Variants in SHROOM2 observed in about 807,000 individuals in gnomAD.
SHROOM2 encodes shroom family member 2.
SHROOM2 carries 33 observed loss-of-function variants against 75.9 expected under a neutral mutation model. That is an observed-to-expected ratio of 0.43 (90% CI 0.33 to 0.58). The LOEUF (loss-of-function observed/expected upper bound fraction) is 0.58. SHROOM2 is among the 20% of genes least tolerant of loss of function. SHROOM2 has a pLI of 0.04. For synonymous variants in SHROOM2, 655 were observed against 663.6 expected (o/e 0.99, Z 0.20); for missense variants, 1,434 against 1,461.2 (o/e 0.98, Z 0.30).
intron 1 of SHROOM2, among the ~76,000 whole-genome samples, chrX:9,801,027 G>A (rs56764855): frequency 5.7e-4 from 64 of 111,322 alleles, no homozygotes; most frequent in African/African-American, 2.1e-3. Flanking sequence ...CCCGAGACTG[G>A]GTAATTTATA....
rs2084845814 is a variant in SHROOM2 at position 9,948,803 on chromosome X, TAGTCACTTGCGTGAATGCTGGTC to T, written c.*1871_*1893del. ...AAGCTTCCTCCTCCTCTCCAGCTGG[TAGTCACTTGCGTGAATGCTGGTC>T]AGTCTGAAAAGGTGAAGCTGGCTGT... On this transcript the variant is annotated 3_prime_UTR_variant, in exon 10 of 10. Coordinates refer to ENST00000380913, the MANE Select transcript of SHROOM2 (RefSeq NM_001649.4). 8.9e-6 allele frequency: 1 copy of T among 112,794 alleles called. No homozygotes were observed. Among genetic ancestry groups the T allele is most frequent in the African/African-American group, 3.2e-5 (1 of 31,081 alleles). 9.3% of individuals were successfully genotyped at this position (112,794 alleles called of 1,213,427 possible).
At chrX:9,862,089 G>T (rs1187578413) in intron 1 of SHROOM2, among the ~76,000 whole-genome samples, 1 of 112,330 alleles carries the variant, frequency 8.9e-6, no homozygotes. Flanking sequence ...GTTGCACAGA[G>T]ATCGTGTACA....
At chrX:9,891,989 A>G (rs2084296466) in intron 3 of SHROOM2, among the ~76,000 whole-genome samples, 1 of 110,487 alleles carries the variant, frequency 9.1e-6, no homozygotes, top group Non-Finnish European at 1.9e-5. Context: ...GCTGGGCGCA[A>G]TGGTTCATGT....
At position 9,909,037 on chromosome X, in the gene SHROOM2, G is replaced by A. The variant is rs186270984; in HGVS notation, c.2891+10747G>A. ...CAGCATGCAGAACTTGTTTTCTAAGGCTTTTCTCCAATAAAAGGAACCAGG... is the reference window on the plus strand; with the variant it reads ...CAGCATGCAGAACTTGTTTTCTAAGACTTTTCTCCAATAAAAGGAACCAGG... On this transcript the variant is annotated intron_variant, in intron 5 of 9. Transcript: ENST00000380913. Among the ~76,000 whole-genome samples, 20 of 111,457 alleles carry A rather than the reference G, an allele frequency of 1.8e-4. No homozygotes were observed. In the East Asian group the frequency reaches 5.6e-3, roughly 31 times the overall value.
At chrX:9,846,604 A>G (rs753154941) in intron 1 of SHROOM2, among the ~76,000 whole-genome samples, 1 of 112,026 alleles carries the variant, frequency 8.9e-6, no homozygotes, top group Non-Finnish European at 1.9e-5. Context: ...CAATTATTTT[A>G]TCTTTTATAG....
At chrX:9,807,590 A>C (rs978264399) in intron 1 of SHROOM2, among the ~76,000 whole-genome samples, 4 of 112,456 alleles carry the variant, frequency 3.6e-5, no homozygotes, top group Non-Finnish European at 5.6e-5. Flanking sequence ...ATAAAACCCG[A>C]GTTCAGGACT....
At chrX:9,842,801 C>T (rs1418540476) in intron 1 of SHROOM2, among the ~76,000 whole-genome samples, 1 of 111,599 alleles carries the variant, frequency 9.0e-6, no homozygotes, top group Non-Finnish European at 1.9e-5. Context: ...GTCTGTCTGT[C>T]CCTGGCTGTC....
intron 1 of SHROOM2, among the ~76,000 whole-genome samples, chrX:9,804,461 G>T (rs973751689): frequency 6.8e-4 from 77 of 112,515 alleles, no homozygotes; most frequent in Non-Finnish European, 8.1e-4. Flanking sequence ...CTTTCGCTTA[G>T]ATATAGGAAT....
Position 9,937,566 on chromosome X carries a change from C to A in SHROOM2, c.4020C>A (p.Ile1340=), listed in dbSNP as rs199742414. 2.4e-4 allele frequency: 295 copies of A among 1,210,452 alleles called. 1 individual carries two copies. In the Middle Eastern group the frequency reaches 2.8e-3, roughly 11 times the overall value. The change falls in exon 7 of 10, where the codon ATC becomes ATA. Residue 1340 remains isoleucine (I), a synonymous_variant. Transcript: ENST00000380913. ...LADILDPSVK[I]KTTMDLMEGI... is the part of the protein sequence containing the mutation. ...ACATCCTGGATCCCAGTGTGAAGATCAAAACCACTATGGACTTGATGGAAG... is the reference window on the plus strand; with the variant it reads ...ACATCCTGGATCCCAGTGTGAAGATAAAAACCACTATGGACTTGATGGAAG...
At chrX:9,941,693 C>A (rs1052619793) in intron 8 of SHROOM2, among the ~76,000 whole-genome samples, 10 of 111,087 alleles carry the variant, frequency 9.0e-5, no homozygotes, top group Non-Finnish European at 1.7e-4. Context: ...CCTGAGCGGC[C>A]GGGCGCGGTG....
At chrX:9,788,118 G>T (rs180729296) in intron 1 of SHROOM2, among the ~76,000 whole-genome samples, 1,138 of 108,435 alleles carry the variant, frequency 0.01, 9 homozygotes, top group Admixed American at 0.035. Flanking sequence ...TCACCATTTT[G>T]CCCAGGCTGG....
chrX:9,907,093 A>G (rs1017167724), intron 5 of SHROOM2, among the ~76,000 whole-genome samples: 2 of 111,186 alleles, frequency 1.8e-5, no homozygotes, highest in African/African-American at 6.5e-5. Flanking sequence ...CCCAGCAGCC[A>G]CAGGGGCCTT....
chrX:9,837,392 T>C (rs2083952563), intron 1 of SHROOM2, among the ~76,000 whole-genome samples: 2 of 112,921 alleles, frequency 1.8e-5, no homozygotes, highest in Admixed American at 1.9e-4. Context: ...TCAATTATTG[T>C]CGTGTGAGCA....
At chrX:9,855,097 A>G (rs1482048406) in intron 1 of SHROOM2, among the ~76,000 whole-genome samples, 1 of 106,286 alleles carries the variant, frequency 9.4e-6, no homozygotes. Flanking sequence ...AGGCATCCTC[A>G]TTGTTCAACT....
At chrX:9,885,230 T>A (rs13340753) in intron 2 of SHROOM2, among the ~76,000 whole-genome samples, 1 of 109,880 alleles carries the variant, frequency 9.1e-6, no homozygotes, top group African/African-American at 3.3e-5. Context: ...TGGTTTAAAG[T>A]GTTTAAAGAG....
intron 1 of SHROOM2, among the ~76,000 whole-genome samples, chrX:9,867,998 A>G (rs1242543101): frequency 9.1e-6 from 1 of 109,975 alleles, no homozygotes; most frequent in Non-Finnish European, 1.9e-5. Context: ...TTGCTTACAC[A>G]CGTGCTTGTG....
At position 9,895,952 on chromosome X, in the gene SHROOM2, G is replaced by A. The variant is rs1227902256; in HGVS notation, c.2044G>A (p.Asp682Asn). 8.3e-7 allele frequency: 1 copy of A among 1,197,612 alleles called. No individual in the cohort carries two copies. The change falls in exon 4 of 10, where the codon GAC becomes AAC. Residue 682 changes from aspartate to asparagine, a missense_variant. By Grantham distance (23) the Asp-to-Asn change is conservative. Coordinates refer to ENST00000380913, the MANE Select transcript of SHROOM2 (RefSeq NM_001649.4). ...QEGPLAGTYK[D>N]HLKEAQARVL... ...AGGACCCCTCGCTGGCACCTATAAA[G>A]ACCACCTGAAAGAGGCCCAAGCCCG... is the stretch of plus-strand genomic sequence containing the variant.
chrX:9,814,646 C>T, intron 1 of SHROOM2, among the ~76,000 whole-genome samples: 1 of 111,241 alleles, frequency 9.0e-6, no homozygotes. Flanking sequence ...TCTCCTCAGA[C>T]AAAGGTGGAA....
At chrX:9,922,866 T>C (rs1483557131) in intron 5 of SHROOM2, among the ~76,000 whole-genome samples, 2 of 111,593 alleles carry the variant, frequency 1.8e-5, no homozygotes, top group African/African-American at 6.5e-5. Flanking sequence ...ATTGAGTTCA[T>C]GTAGCTGTCC....
Sources: allele counts gnomAD v4.1 joint callset (sites outside exome capture counted in the v4.1 genomes callset), GRCh38; gene constraint gnomAD v4.1.1; transcripts MANE v1.5; gene names NCBI Gene and HGNC (gene_info 2026-07-23, HGNC 2026-07-21).